Variants in PTPRG observed in about 807,000 individuals in gnomAD.
The protein encoded by PTPRG is protein tyrosine phosphatase receptor type G.
Under a neutral mutation model 165.3 loss-of-function variants are expected in PTPRG, and 102 were observed. That is an observed-to-expected ratio of 0.62 (90% confidence interval 0.53 to 0.73). The LOEUF is 0.73. PTPRG is among the 30% of genes least tolerant of loss of function. PTPRG has a pLI of 0.00. For synonymous variants in PTPRG, 675 were observed against 669.5 expected (o/e 1.01, Z -0.13); for missense variants, 1,866 against 1,861.4 (o/e 1.00, Z -0.05).
intron 2 of PTPRG, among the ~76,000 whole-genome samples, chr3:61,966,452 A>ATGGAATGTTGG (rs2040274493): frequency 1.3e-5 from 2 of 152,178 alleles, no homozygotes; most frequent in African/African-American, 4.8e-5. Context: ...TGGAATGTTG[A>ATGGAATGTTGG]TAGGTTGTGA....
At chr3:61,670,242 G>A (rs1450072108) in intron 1 of PTPRG, among the ~76,000 whole-genome samples, 3 of 152,168 alleles carry the variant, frequency 2.0e-5, no homozygotes, top group African/African-American at 7.2e-5. Context: ...CAAAAACTTG[G>A]GAAGACCCAG....
intron 2 of PTPRG, among the ~76,000 whole-genome samples, chr3:61,970,841 A>G (rs1285812869): frequency 6.6e-6 from 1 of 152,220 alleles, no homozygotes; most frequent in Non-Finnish European, 1.5e-5. Context: ...GGGAACTTAT[A>G]CCTGCCACTT....
At chr3:61,683,991 A>G (rs912972473) in intron 1 of PTPRG, among the ~76,000 whole-genome samples, 2 of 152,210 alleles carry the variant, frequency 1.3e-5, no homozygotes, top group African/African-American at 2.4e-5. Flanking sequence ...GCTCCATGGT[A>G]CCGTAGGGCA....
chr3:62,046,032 CT>C (rs1700279413), intron 4 of PTPRG, among the ~76,000 whole-genome samples: 1 of 152,140 alleles, frequency 6.6e-6, no homozygotes, highest in Admixed American at 6.6e-5. Context: ...TCTCTTCCCC[CT>C]GTGAGGTGGT....
At chr3:62,167,083 CTTAATAATA>C (rs972171022) in intron 7 of PTPRG, among the ~76,000 whole-genome samples, 2 of 152,098 alleles carry the variant, frequency 1.3e-5, no homozygotes, top group African/African-American at 4.8e-5. Context: ...AGAGATGTTT[CTTAATAATA>C]TTAATAATAA....
rs1295767197 is a variant in PTPRG, at chr3:61,588,381, AT to A, written c.85+26022del. Among the ~76,000 whole-genome samples, 752 of 146,380 alleles carry A rather than the reference AT, an allele frequency of 5.1e-3. 3 individuals are homozygous for A. Among genetic ancestry groups the A allele is most frequent in the African/African-American group, 0.016 (628 of 40,276 alleles). On this transcript the variant is annotated intron_variant, in intron 1 of 29. Coordinates refer to ENST00000474889, the MANE Select transcript of PTPRG (RefSeq NM_002841.4). The stretch of plus-strand genomic sequence containing the variant: ...TCCAGAAATACAAAATTTAAGGATA[AT>A]TTTTTTTTTTTTATCTTGAGACAGA...
chr3:62,130,677 G>A (rs1182374277), intron 5 of PTPRG, among the ~76,000 whole-genome samples: 1 of 152,102 alleles, frequency 6.6e-6, no homozygotes. Flanking sequence ...TTACTGGTTA[G>A]GTTCTCTTCT....
intron 14 of PTPRG, among the ~76,000 whole-genome samples, chr3:62,242,295 A>G (rs1193714300): frequency 6.6e-6 from 1 of 152,190 alleles, no homozygotes; most frequent in Non-Finnish European, 1.5e-5. Flanking sequence ...TATTATTTAT[A>G]TTATAAATGC....
chr3:62,067,459 C>T (rs531392108), intron 4 of PTPRG, among the ~76,000 whole-genome samples: 19 of 152,016 alleles, frequency 1.2e-4, no homozygotes, highest in East Asian at 9.7e-4. Context: ...TCCATGGTGG[C>T]GATGGTTTCA....
intron 2 of PTPRG, among the ~76,000 whole-genome samples, chr3:61,836,606 T>C (rs890273737): frequency 1.3e-5 from 2 of 152,190 alleles, no homozygotes; most frequent in Non-Finnish European, 2.9e-5. Flanking sequence ...TATCAGATAA[T>C]AATATCTATT....
chr3:61,951,706 G>A (rs2039902755), intron 2 of PTPRG, among the ~76,000 whole-genome samples: 2 of 152,146 alleles, frequency 1.3e-5, no homozygotes, highest in Non-Finnish European at 1.5e-5. Context: ...GGCAACAATT[G>A]ACTTCTACTG....
chr3:61,956,671 T>G (rs992615583), intron 2 of PTPRG, among the ~76,000 whole-genome samples: 1 of 152,326 alleles, frequency 6.6e-6, no homozygotes, highest in East Asian at 1.9e-4. Flanking sequence ...GGACTATTAC[T>G]GATATATTAA....
At chr3:61,939,035 A>G (rs1350236977) in intron 2 of PTPRG, among the ~76,000 whole-genome samples, 4 of 152,182 alleles carry the variant, frequency 2.6e-5, no homozygotes, top group Non-Finnish European at 5.9e-5. Context: ...GATTTCCATT[A>G]TAATACGTTT....
At chr3:62,062,680 T>A (rs1270165065) in intron 4 of PTPRG, among the ~76,000 whole-genome samples, 1 of 152,136 alleles carries the variant, frequency 6.6e-6, no homozygotes, top group Admixed American at 6.5e-5. Context: ...TGGCATTGTT[T>A]TTTTTAAAGG....
At chr3:62,096,024 G>A (rs2106811519) in intron 5 of PTPRG, among the ~76,000 whole-genome samples, 1 of 152,292 alleles carries the variant, frequency 6.6e-6, no homozygotes, top group East Asian at 1.9e-4. Flanking sequence ...GGCAGAGCAA[G>A]GGGACTAACT....
At chr3:62,081,288 ACAAAC>A (rs761733359) in intron 5 of PTPRG, among the ~76,000 whole-genome samples, 20 of 151,534 alleles carry the variant, frequency 1.3e-4, no homozygotes, top group East Asian at 1.2e-3. Context: ...AAACAAACAA[ACAAAC>A]AAAAACATAA....
rs74429194 is a variant in PTPRG, at chr3:61,573,702, T to C, written c.85+11330T>C. ...AGTAGTGGTAGTCATGTATGAGGGCTGACAGAATGAGTAGATAATGCTCTT... is the reference window on the plus strand; with the variant it reads ...AGTAGTGGTAGTCATGTATGAGGGCCGACAGAATGAGTAGATAATGCTCTT... On this transcript the variant is annotated intron_variant, in intron 1 of 29. Coordinates refer to ENST00000474889, the MANE Select transcript of PTPRG (RefSeq NM_002841.4). Among the ~76,000 whole-genome samples, 1,076 of 152,326 alleles carry C rather than the reference T, an allele frequency of 7.1e-3. 16 individuals are homozygous for C. The highest frequency in any genetic ancestry group is 0.024 in the African/African-American group (1,016 of 41,554).
At chr3:62,090,471 G>A (rs1238454920) in intron 5 of PTPRG, among the ~76,000 whole-genome samples, 1 of 152,146 alleles carries the variant, frequency 6.6e-6, no homozygotes, top group East Asian at 1.9e-4. Context: ...TCTGAACTTA[G>A]TAGCACAGCT....
In PTPRG at chr3:61,621,077, G is replaced by GTGTA. The variant is rs1553641517; in HGVS notation, c.85+58706_85+58707insGTAT. Reference sequence around the variant, plus strand: ...TGTGTGTGTGTGTGTGTGTGTGTGTGTATATTTATTTATCTGTTATGTTCT... The same window carrying GTGTA: ...TGTGTGTGTGTGTGTGTGTGTGTGTGTGTATATATTTATTTATCTGTTATGTTCT... On this transcript the variant is annotated intron_variant, in intron 1 of 29. Transcript: ENST00000474889. 8.9e-4 allele frequency among the ~76,000 whole-genome samples: 129 copies of GTGTA among 145,010 alleles called. 1 individual carries two copies. The highest frequency in any genetic ancestry group is 7.8e-4 in the Admixed American group (11 of 14,024).
Sources: gnomAD v4.1 joint callset for allele counts (sites outside exome capture counted in the v4.1 genomes callset) on GRCh38, gnomAD v4.1.1 for gene constraint, MANE v1.5 for transcripts, NCBI Gene and HGNC (gene_info 2026-07-23, HGNC 2026-07-21) for gene names.